RYR2: variants seen among roughly 807,000 people sequenced by gnomAD.
RYR2 encodes the protein ryanodine receptor 2.
A neutral mutation model predicts 601.1 loss-of-function variants in RYR2; 227 were observed. The observed-to-expected ratio is 0.38, with a 90% confidence interval of 0.34 to 0.42. The LOEUF (loss-of-function observed/expected upper bound fraction) is 0.42, where lower values mean the gene tolerates loss of function less well. RYR2 is among the 10% of genes least tolerant of loss of function. RYR2 has a pLI of 1.00. For missense variants in RYR2, 4,646 were observed against 6,156.5 expected, an observed-to-expected ratio of 0.75 and a Z score of 8.21; for synonymous variants, 2,223 against 2,175.1, an observed-to-expected ratio of 1.02 and a Z score of -0.61.
intron 14 of RYR2, among the ~76,000 whole-genome samples, chr1:237,450,316 T>C (rs2893584): frequency 0.53 from 80,112 of 151,970 alleles, 22,555 homozygotes; most frequent in East Asian, 0.78. Flanking sequence ...GTCTCCTGGA[T>C]GCTCAGCAAT....
At chr1:237,059,113 C>T (rs1662535998) in intron 1 of RYR2, among the ~76,000 whole-genome samples, 1 of 152,084 alleles carries the variant, frequency 6.6e-6, no homozygotes, top group Non-Finnish European at 1.5e-5. Context: ...ACACCAGTTT[C>T]ATGCAGTCAC....
At chr1:237,058,514 T>C (rs185119125) in intron 1 of RYR2, among the ~76,000 whole-genome samples, 97 of 152,366 alleles carry the variant, frequency 6.4e-4, no homozygotes, top group African/African-American at 2.2e-3. Context: ...CTTCACACTG[T>C]TGATTTAAAG....
intron 35 of RYR2, among the ~76,000 whole-genome samples, chr1:237,602,954 G>T (rs1676673641): frequency 1.3e-5 from 2 of 152,184 alleles, no homozygotes; most frequent in Admixed American, 1.3e-4. Flanking sequence ...TTAGAGCCAT[G>T]GAAGTCAGAA....
chr1:237,545,469 G>T (rs560986183), intron 25 of RYR2, among the ~76,000 whole-genome samples: 1 of 152,304 alleles, frequency 6.6e-6, no homozygotes, highest in East Asian at 1.9e-4. Flanking sequence ...TTCACAGGTG[G>T]ATATCGAAAC....
chr1:237,145,009 G>A lies in RYR2; in HGVS notation c.48+102440G>A, dbSNP rs576386569. 3.3e-5 allele frequency among the ~76,000 whole-genome samples: 5 copies of A among 150,982 alleles called. No homozygotes were observed. In the South Asian group the frequency reaches 1.1e-3, roughly 32 times the overall value. On this transcript the variant is annotated intron_variant, in intron 1 of 104. Transcript: ENST00000366574. ...ATGAACCCTGTAGTTTAGCTCTGGA[G>A]TTGAACAATGAGAACGCATGGACAC... is the stretch of plus-strand genomic sequence containing the variant.
At chr1:237,753,152 C>T (rs775059222) in intron 80 of RYR2, among the ~76,000 whole-genome samples, 1 of 152,146 alleles carries the variant, frequency 6.6e-6, no homozygotes, top group African/African-American at 2.4e-5. Flanking sequence ...ACCAGGCTGC[C>T]CTGGTTTAAA....
At chr1:237,291,929 T>C (rs933570207) in intron 2 of RYR2, among the ~76,000 whole-genome samples, 2 of 152,240 alleles carry the variant, frequency 1.3e-5, no homozygotes, top group Non-Finnish European at 2.9e-5. Context: ...GGGATAGTGA[T>C]ACCTGAATGT....
intron 29 of RYR2, among the ~76,000 whole-genome samples, chr1:237,584,654 T>TTTG (rs1553512570): frequency 1.5e-5 from 2 of 129,822 alleles, no homozygotes; most frequent in East Asian, 4.5e-4. Context: ...CACCTGTTTT[T>TTTG]TTTTTTTTTT....
intron 1 of RYR2, among the ~76,000 whole-genome samples, chr1:237,046,043 CT>C (rs1660562027): frequency 6.6e-6 from 1 of 152,122 alleles, no homozygotes; most frequent in African/African-American, 2.4e-5. Context: ...TGCTTACGGT[CT>C]TCCTCCTGTC....
chr1:237,581,234 C>T (rs1452718068), intron 29 of RYR2, among the ~76,000 whole-genome samples: 2 of 152,128 alleles, frequency 1.3e-5, no homozygotes, highest in East Asian at 1.9e-4. Context: ...GCTGTGGATA[C>T]GTATCTTGTG....
At chr1:237,102,720 G>A (rs983256311) in intron 1 of RYR2, among the ~76,000 whole-genome samples, 2 of 152,028 alleles carry the variant, frequency 1.3e-5, no homozygotes, top group African/African-American at 4.8e-5. Context: ...GCTGGGCATG[G>A]TGGTGTGCAC....
chr1:237,259,464 C>G (rs1415044160), intron 1 of RYR2, among the ~76,000 whole-genome samples: 2 of 151,326 alleles, frequency 1.3e-5, no homozygotes, highest in Non-Finnish European at 2.9e-5. Flanking sequence ...GTGAGTCACA[C>G]CACTGCACTC....
chr1:237,255,543 A>C (rs1338935466), intron 1 of RYR2, among the ~76,000 whole-genome samples: 2 of 152,160 alleles, frequency 1.3e-5, no homozygotes, highest in South Asian at 2.1e-4. Context: ...GTTTCTGGGA[A>C]TCTGTCTTTC....
At position 237,087,137 on chromosome 1, in the gene RYR2, G is replaced by A. The variant is rs538196363; in HGVS notation, c.48+44568G>A. Among the ~76,000 whole-genome samples the A allele has an allele frequency of 8.5e-5, 13 of 152,244 alleles. No individual in the cohort carries two copies. In the South Asian group the frequency reaches 1.9e-3, roughly 22 times the overall value. ...ATTCCCTGAAGGAGGGACTGCATTC[G>A]GGAAAACTTCCAAATTGCTGAATTT... On this transcript the variant is annotated intron_variant, in intron 1 of 104. Transcript: ENST00000366574.
intron 3 of RYR2, among the ~76,000 whole-genome samples, chr1:237,343,565 A>G (rs978120507): frequency 4.6e-5 from 7 of 152,178 alleles, no homozygotes; most frequent in Non-Finnish European, 1.0e-4. Context: ...GAAACAATGT[A>G]CCAAGGTCAG....
intron 1 of RYR2, among the ~76,000 whole-genome samples, chr1:237,220,399 T>C (rs1683681529): frequency 6.6e-6 from 1 of 152,186 alleles, no homozygotes; most frequent in Non-Finnish European, 1.5e-5. Context: ...ACCGGTGGTG[T>C]GCTGTTGGCT....
At chr1:237,116,654 C>A (rs1209269204) in intron 1 of RYR2, among the ~76,000 whole-genome samples, 1 of 151,976 alleles carries the variant, frequency 6.6e-6, no homozygotes, top group Admixed American at 6.6e-5. Flanking sequence ...GCTGGAGACC[C>A]AGGAAGGCTG....
At chr1:237,051,310 T>TTC (rs1558145476) in intron 1 of RYR2, among the ~76,000 whole-genome samples, 1 of 112,348 alleles carries the variant, frequency 8.9e-6, no homozygotes, top group African/African-American at 3.8e-5. Flanking sequence ...CTCTTTCTCT[T>TTC]TATCTCTCTC....
intron 1 of RYR2, among the ~76,000 whole-genome samples, chr1:237,131,573 G>T (rs1222425176): frequency 2.6e-5 from 4 of 152,184 alleles, no homozygotes; most frequent in African/African-American, 9.6e-5. Context: ...GGCTTGAAGT[G>T]ATGGGGAATT....
Sources: allele counts gnomAD v4.1 joint callset (sites outside exome capture counted in the v4.1 genomes callset), GRCh38; gene constraint gnomAD v4.1.1; transcripts MANE v1.5; gene names NCBI Gene and HGNC (gene_info 2026-07-23, HGNC 2026-07-21).